PPARGC1A: variants seen among roughly 807,000 people sequenced by gnomAD.
PPARGC1A encodes PPARG coactivator 1 alpha.
Under a neutral mutation model 88.7 loss-of-function variants are expected in PPARGC1A, and 25 were observed. That is an observed-to-expected ratio of 0.28 (90% CI 0.21 to 0.39). The LOEUF (loss-of-function observed/expected upper bound fraction) is 0.39, where lower values mean the gene tolerates loss of function less well. PPARGC1A is among the 10% of genes least tolerant of loss of function. PPARGC1A has a pLI of 1.00. For synonymous variants in PPARGC1A, 363 were observed against 355.6 expected (o/e 1.02, Z -0.24); for missense variants, 880 against 968.7 (o/e 0.91, Z 1.22).
chr4:24,073,612 A>G, the PPARGC1A span, among the ~76,000 whole-genome samples: 1 of 152,184 alleles, frequency 6.6e-6, no homozygotes, highest in East Asian at 1.9e-4. Context: ...GGTGACAATG[A>G]TGACAATGAT....
At chr4:24,349,799 C>T in the PPARGC1A span, among the ~76,000 whole-genome samples, 1 of 152,198 alleles carries the variant, frequency 6.6e-6, no homozygotes, top group Non-Finnish European at 1.5e-5. Context: ...TTCACACCAT[C>T]CCTCAAGTTC....
intron 2 of PPARGC1A, among the ~76,000 whole-genome samples, chr4:23,835,852 C>A (rs1211412781): frequency 6.6e-6 from 1 of 152,126 alleles, no homozygotes; most frequent in Non-Finnish European, 1.5e-5. Flanking sequence ...TTTCAACAAT[C>A]AAACACCCCG....
intron 2 of PPARGC1A, among the ~76,000 whole-genome samples, chr4:23,832,529 T>C (rs1390965172): frequency 6.6e-6 from 1 of 152,218 alleles, no homozygotes; most frequent in Non-Finnish European, 1.5e-5. Flanking sequence ...AAGTCTTACT[T>C]TGTAATGTTT....
At chr4:24,135,545 T>C in the PPARGC1A span, among the ~76,000 whole-genome samples, 1 of 152,106 alleles carries the variant, frequency 6.6e-6, no homozygotes, top group African/African-American at 2.4e-5. Context: ...TGGAAGGATT[T>C]TGCTTGGTAT....
At chr4:24,201,793 CCTTT>C in the PPARGC1A span, among the ~76,000 whole-genome samples, 1 of 152,050 alleles carries the variant, frequency 6.6e-6, no homozygotes. Context: ...AAAATAAGAT[CCTTT>C]TTTTCCACTT....
At chr4:23,892,077 A>G (rs3755857), upstream of PPARGC1A, among the ~76,000 whole-genome samples, 1,050 of 152,312 alleles carry the variant, frequency 6.9e-3, 46 homozygotes, top group East Asian at 0.11. Context: ...ATCCAATGCT[A>G]GATATTCATC....
chr4:23,941,448 G>T, the PPARGC1A span, among the ~76,000 whole-genome samples: 9 of 152,118 alleles, frequency 5.9e-5, no homozygotes, highest in African/African-American at 1.9e-4. Flanking sequence ...AACGGGGTGT[G>T]ATATCTGTCA....
At chr4:23,826,800 A>T (rs1343975011) in intron 5 of PPARGC1A, among the ~76,000 whole-genome samples, 1 of 152,148 alleles carries the variant, frequency 6.6e-6, no homozygotes, top group East Asian at 1.9e-4. Flanking sequence ...TCTCATCTAA[A>T]GAAAATTTCC....
At chr4:24,260,293 C>G in the PPARGC1A span, among the ~76,000 whole-genome samples, 9 of 152,174 alleles carry the variant, frequency 5.9e-5, no homozygotes, top group Admixed American at 3.9e-4. Flanking sequence ...AAACCCTGTT[C>G]CCCCATCCTC....
Position 23,848,014 on chromosome 4 carries a change from T to C in PPARGC1A, c.235-16263A>G, listed in dbSNP as rs146580863. On this transcript the variant is annotated intron_variant, in intron 2 of 12. Coordinates refer to ENST00000264867, the MANE Select transcript of PPARGC1A (RefSeq NM_013261.5). ...AAGTCAGCCCAGGTCTACACAACTT[T>C]GTGGCCCTGCTTTCAAATTGTCTTC... is the stretch of plus-strand genomic sequence containing the variant. Among the ~76,000 whole-genome samples, 325 of 152,288 alleles carry C rather than the reference T, an allele frequency of 2.1e-3. 1 individual carries two copies. Among genetic ancestry groups the C allele is most frequent in the African/African-American group, 7.2e-3 (301 of 41,556 alleles).
At chr4:24,103,595 C>CAAAAAAAAAAAAAAAAAAAAAA in the PPARGC1A span, among the ~76,000 whole-genome samples, 7 of 121,584 alleles carry the variant, frequency 5.8e-5, no homozygotes, top group East Asian at 1.8e-3. Context: ...TGCCTTCTTC[C>CAAAAAAAAAAAAAAAAAAAAAA]AAAAAAAAAA....
At chr4:23,892,496 T>C (rs1012798918), upstream of PPARGC1A, among the ~76,000 whole-genome samples, 3 of 152,028 alleles carry the variant, frequency 2.0e-5, no homozygotes, top group Non-Finnish European at 2.9e-5. Context: ...TTAGAGGTTT[T>C]ATAATTTTGT....
chr4:23,820,546 AAT>A (rs1722832455), intron 7 of PPARGC1A: 1 of 376,188 alleles, frequency 2.7e-6, no homozygotes, highest in African/African-American at 2.1e-5. Flanking sequence ...CTCCATATGC[AAT>A]AGATTTAAAT....
At position 23,794,820 on chromosome 4, in the gene PPARGC1A, TA is replaced by T. The variant is rs1223994722; in HGVS notation, c.*1001del. 4.6e-5 allele frequency: 7 copies of T among 152,664 alleles called. No individual in the cohort carries two copies. Among genetic ancestry groups the T allele is most frequent in the African/African-American group, 1.7e-4 (7 of 41,560 alleles). 9.5% of individuals were successfully genotyped at this position (152,664 alleles called of 1,614,324 possible). A position where few individuals can be genotyped will look rare whatever the true frequency, so the allele number is the denominator to read the frequency against. On this transcript the variant is annotated 3_prime_UTR_variant, in exon 13 of 13. Coordinates refer to ENST00000264867, the MANE Select transcript of PPARGC1A (RefSeq NM_013261.5). ...GAGAGTTCTACCCAACTCTCATTAG[TA>T]ATGTAACCCGGTGTCCGCTCCTCAG...
chr4:24,103,718 A>G, the PPARGC1A span, among the ~76,000 whole-genome samples: 1 of 152,020 alleles, frequency 6.6e-6, no homozygotes, highest in African/African-American at 2.4e-5. Context: ...AGGGTGCTGA[A>G]GCCTACTCTA....
At chr4:24,388,605 T>C in the PPARGC1A span, among the ~76,000 whole-genome samples, 1 of 151,964 alleles carries the variant, frequency 6.6e-6, no homozygotes, top group Non-Finnish European at 1.5e-5. Flanking sequence ...ATAAAGAAAA[T>C]GTGACACATA....
the PPARGC1A span, among the ~76,000 whole-genome samples, chr4:24,291,122 G>A: frequency 0.01 from 1,536 of 152,136 alleles, 20 homozygotes; most frequent in African/African-American, 0.034. Context: ...CTCCAATCTC[G>A]CTAAAGCATT....
the PPARGC1A span, among the ~76,000 whole-genome samples, chr4:24,356,406 G>A: frequency 6.6e-6 from 1 of 152,098 alleles, no homozygotes; most frequent in African/African-American, 2.4e-5. Context: ...GCTAATTGTT[G>A]GTCTCTGTTC....
the PPARGC1A span, among the ~76,000 whole-genome samples, chr4:24,364,494 C>G: frequency 6.6e-6 from 1 of 152,150 alleles, no homozygotes; most frequent in Non-Finnish European, 1.5e-5. Context: ...TCTTGCACTT[C>G]TCCTCGCCTC....
Sources: allele counts gnomAD v4.1 joint callset (sites outside exome capture counted in the v4.1 genomes callset), GRCh38; gene constraint gnomAD v4.1.1; transcripts MANE v1.5; gene names NCBI Gene and HGNC (gene_info 2026-07-23, HGNC 2026-07-21).